RB1: variants seen among roughly 807,000 people sequenced by gnomAD.
RB1 encodes retinoblastoma-associated protein.
RB1 carries 18 observed loss-of-function variants against 135.4 expected under a neutral mutation model. The observed-to-expected ratio is 0.13, with a 90% CI of 0.09 to 0.20. The LOEUF (loss-of-function observed/expected upper bound fraction) is 0.20, where lower values mean the gene tolerates loss of function less well. RB1 is among the 10% of genes least tolerant of loss of function. The pLI, the probability that RB1 is intolerant of heterozygous loss-of-function variation, is 1.00. For missense variants in RB1, 868 were observed against 1,110.0 expected (o/e 0.78, Z 3.10); for synonymous variants, 365 against 373.2 (o/e 0.98, Z 0.25).
chr13:48,394,974 A>T (rs1948636744), intron 17 of RB1, among the ~76,000 whole-genome samples: 1 of 152,200 alleles, frequency 6.6e-6, no homozygotes, highest in African/African-American at 2.4e-5. Flanking sequence ...GGCAGGAATC[A>T]ACAGACACCT....
chr13:48,438,256 G>C (rs1037216626), intron 17 of RB1, among the ~76,000 whole-genome samples: 3 of 152,074 alleles, frequency 2.0e-5, no homozygotes, highest in Non-Finnish European at 4.4e-5. Context: ...ATCTAACTTA[G>C]TTGTCAAAAC....
chr13:48,418,720 A>G (rs11616411), intron 17 of RB1, among the ~76,000 whole-genome samples: 4 of 152,086 alleles, frequency 2.6e-5, no homozygotes, highest in African/African-American at 4.8e-5. Flanking sequence ...AAAAAAAAAA[A>G]AAAGCAGGGG....
intron 17 of RB1, among the ~76,000 whole-genome samples, chr13:48,418,374 G>A (rs1948950108): frequency 6.6e-6 from 1 of 152,072 alleles, no homozygotes; most frequent in South Asian, 2.1e-4. Context: ...AAGAGCTCCT[G>A]AAGGAAGCAC....
At chr13:48,403,180 C>T (rs1320606165) in intron 17 of RB1, among the ~76,000 whole-genome samples, 1 of 152,104 alleles carries the variant, frequency 6.6e-6, no homozygotes, top group Admixed American at 6.5e-5. Context: ...AGTCAAAGGG[C>T]TTAAGTAGTA....
intron 17 of RB1, among the ~76,000 whole-genome samples, chr13:48,431,836 A>G (rs1047901257): frequency 6.6e-6 from 1 of 152,208 alleles, no homozygotes; most frequent in African/African-American, 2.4e-5. Flanking sequence ...TAAGACAGGC[A>G]TATTAAAATT....
chr13:48,338,380 T>G (rs1166620616), intron 2 of RB1, among the ~76,000 whole-genome samples: 2 of 152,200 alleles, frequency 1.3e-5, no homozygotes, highest in Non-Finnish European at 2.9e-5. Flanking sequence ...ATTTGTTTCT[T>G]TTTACTCTTT....
intron 2 of RB1, among the ~76,000 whole-genome samples, chr13:48,312,980 T>A (rs1383728463): frequency 6.6e-6 from 1 of 152,198 alleles, no homozygotes; most frequent in African/African-American, 2.4e-5. Flanking sequence ...ACCACCATTA[T>A]GAAGAAGTAA....
intron 6 of RB1, among the ~76,000 whole-genome samples, chr13:48,356,777 A>T (rs1292474009): frequency 6.6e-6 from 1 of 151,956 alleles, no homozygotes; most frequent in Non-Finnish European, 1.5e-5. Flanking sequence ...TTCATCTCTT[A>T]GCTGGCTGTA....
intron 11 of RB1, among the ~76,000 whole-genome samples, chr13:48,371,823 T>G (rs1363216200): frequency 6.6e-6 from 1 of 152,154 alleles, no homozygotes; most frequent in Non-Finnish European, 1.5e-5. Flanking sequence ...GACTGGTCTG[T>G]GTCCCATTAC....
At chr13:48,352,304 C>T (rs111850565) in intron 6 of RB1, among the ~76,000 whole-genome samples, 11,111 of 151,266 alleles carry the variant, frequency 0.073, 1,097 homozygotes, top group African/African-American at 0.22. Context: ...CAGCTTTGTT[C>T]TTTTTGCTTA....
chr13:48,368,524 T>C lies in RB1; in HGVS notation c.1050-3T>C, dbSNP rs1952726410. The C allele has an allele frequency of 6.2e-7, 1 of 1,613,170 alleles. No homozygotes were observed. The highest frequency in any genetic ancestry group is 8.5e-7 in the Non-Finnish European group (1 of 1,179,556). ...GTGAATGACTTCACTTATTGTTATT[T>C]AGTTTTGAAACACAGAGAACACCAC... On this transcript the variant is annotated splice_region_variant and splice_polypyrimidine_tract_variant and intron_variant, in intron 10 of 26. Coordinates refer to ENST00000267163, the MANE Select transcript of RB1 (RefSeq NM_000321.3).
At chr13:48,459,960 T>TC (rs1949392255) in intron 20 of RB1, 127 bp downstream of exon 20, 2 of 428,024 alleles carry the variant, frequency 4.7e-6, no homozygotes, top group African/African-American at 5.1e-5. Context: ...TTTTTCTTTC[T>TC]TTCTTTCTCT....
intron 25 of RB1, 136 bp downstream of exon 25, chr13:48,476,979 A>T: frequency 2.6e-6 from 3 of 1,149,724 alleles, no homozygotes; most frequent in Non-Finnish European, 1.3e-6. Context: ...GGCTCAAAAT[A>T]ATAGATATGA....
At chr13:48,413,924 T>C (rs941126608) in intron 17 of RB1, among the ~76,000 whole-genome samples, 2 of 152,204 alleles carry the variant, frequency 1.3e-5, no homozygotes, top group African/African-American at 4.8e-5. Flanking sequence ...CATAGTCTTA[T>C]CTTCCTTCTT....
intron 4 of RB1, among the ~76,000 whole-genome samples, chr13:48,346,370 ATGTGTGTGTGTG>A (rs61503219): frequency 0.053 from 6,920 of 131,116 alleles, 581 homozygotes; most frequent in African/African-American, 0.17. Flanking sequence ...TATTATATAT[ATGTGTGTGTGTG>A]TGTGTGTGTG....
chr13:48,305,855 C>T, intron 1 of RB1, among the ~76,000 whole-genome samples: 1 of 152,224 alleles, frequency 6.6e-6, no homozygotes, highest in Non-Finnish European at 1.5e-5. Context: ...AGATTCCATT[C>T]CTGATTTGAG....
intron 17 of RB1, among the ~76,000 whole-genome samples, chr13:48,447,232 G>T (rs1949294692): frequency 6.6e-6 from 1 of 152,216 alleles, no homozygotes; most frequent in Non-Finnish European, 1.5e-5. Flanking sequence ...GGGAGAAGCA[G>T]TCGTTTTTGG....
chr13:48,375,627 G>A (rs1952813544), intron 12 of RB1, among the ~76,000 whole-genome samples: 1 of 151,466 alleles, frequency 6.6e-6, no homozygotes, highest in Non-Finnish European at 1.5e-5. Context: ...GCCTAGGCTG[G>A]AGTGAAATGG....
chr13:48,328,249 C>G (rs757346293), intron 2 of RB1: 1 of 1,506,560 alleles, frequency 6.6e-7, no homozygotes, highest in Non-Finnish European at 9.2e-7. Flanking sequence ...GGAGGCCTTT[C>G]CTCTGATTCA....
Sources: gnomAD v4.1 joint callset for allele counts (sites outside exome capture counted in the v4.1 genomes callset) on GRCh38, gnomAD v4.1.1 for gene constraint, MANE v1.5 for transcripts, NCBI Gene and HGNC (gene_info 2026-07-23, HGNC 2026-07-21) for gene names.